REC114: variants seen among roughly 807,000 people sequenced by gnomAD.
REC114 encodes REC114 meiotic recombination protein, also known as meiotic recombination protein REC114.
A neutral mutation model predicts 31.3 loss-of-function variants in REC114; 27 were observed. That is an observed-to-expected ratio of 0.86 (90% CI 0.64 to 1.19). REC114 has a LOEUF of 1.19. Among genes scored for constraint, REC114 ranks in the 50% most tolerant of loss-of-function variants. REC114 has a pLI of 0.00. For synonymous variants in REC114, 134 were observed against 127.7 expected (o/e 1.05, Z -0.33); for missense variants, 344 against 326.9 (o/e 1.05, Z -0.40).
At chr15:73,493,938 T>A (rs1893480848) in intron 2 of REC114, among the ~76,000 whole-genome samples, 1 of 152,186 alleles carries the variant, frequency 6.6e-6, no homozygotes, top group Non-Finnish European at 1.5e-5. Flanking sequence ...TGAAACAGAT[T>A]CCAGATGAGG....
At chr15:73,512,183 CT>C (rs1893781847) in intron 2 of REC114, among the ~76,000 whole-genome samples, 1 of 128,470 alleles carries the variant, frequency 7.8e-6, no homozygotes, top group South Asian at 2.4e-4. Flanking sequence ...GAATTGATCT[CT>C]TTACCATTAT....
At chr15:73,543,609 G>A (rs113841704) in intron 3 of REC114, among the ~76,000 whole-genome samples, 3,606 of 152,188 alleles carry the variant, frequency 0.024, 46 homozygotes, top group Middle Eastern at 0.031. Flanking sequence ...GATTACAGGT[G>A]TGAGCCATCA....
intron 3 of REC114, among the ~76,000 whole-genome samples, chr15:73,545,611 T>G (rs1273610031): frequency 6.6e-6 from 1 of 152,222 alleles, no homozygotes; most frequent in African/African-American, 2.4e-5. Flanking sequence ...GAACAAGACT[T>G]CAGTTAGGCT....
At chr15:73,515,168 C>A (rs1893840491) in intron 2 of REC114, among the ~76,000 whole-genome samples, 3 of 152,226 alleles carry the variant, frequency 2.0e-5, no homozygotes, top group South Asian at 4.1e-4. Context: ...CTGCATCAAG[C>A]AACCCTCCCA....
At chr15:73,496,351 CAAAAAAAA>C (rs539098846) in intron 2 of REC114, among the ~76,000 whole-genome samples, 1 of 20,508 alleles carries the variant, frequency 4.9e-5, no homozygotes, top group African/African-American at 1.5e-4. Context: ...GACTCCTTCT[CAAAAAAAA>C]AAAAAAAAAA....
At chr15:73,515,717 A>G (rs542277341) in intron 2 of REC114, among the ~76,000 whole-genome samples, 23 of 152,318 alleles carry the variant, frequency 1.5e-4, no homozygotes, top group African/African-American at 5.3e-4. Context: ...GCAGCTGTCT[A>G]CAAGCCAGGA....
At chr15:73,556,921 A>G (rs569495195) in intron 5 of REC114, among the ~76,000 whole-genome samples, 31 of 152,008 alleles carry the variant, frequency 2.0e-4, no homozygotes, top group Admixed American at 4.6e-4. Context: ...ATTCAAAACT[A>G]TGGTTGTGTG....
intron 2 of REC114, among the ~76,000 whole-genome samples, chr15:73,497,302 T>A (rs1466172254): frequency 6.6e-6 from 1 of 152,248 alleles, no homozygotes; most frequent in Non-Finnish European, 1.5e-5. Context: ...CTGTGATTCC[T>A]TCTGCATGTA....
intron 1 of REC114, among the ~76,000 whole-genome samples, chr15:73,469,740 A>G (rs997463951): frequency 1.6e-4 from 22 of 141,076 alleles, no homozygotes; most frequent in African/African-American, 5.7e-4. Context: ...GCTGGAGTGC[A>G]GTGGCGCGAT....
intron 1 of REC114, among the ~76,000 whole-genome samples, chr15:73,462,363 G>C (rs1893000819): frequency 6.6e-6 from 1 of 151,904 alleles, no homozygotes. Context: ...GATTATGTTA[G>C]GTGTTATGAT....
At chr15:73,557,651 CAG>C (rs1172337721) in intron 5 of REC114, among the ~76,000 whole-genome samples, 1 of 152,104 alleles carries the variant, frequency 6.6e-6, no homozygotes, top group Non-Finnish European at 1.5e-5. Flanking sequence ...CTGAGGAAAA[CAG>C]AGCTGCAATA....
chr15:73,446,708 T>C (rs908732317), intron 1 of REC114, among the ~76,000 whole-genome samples: 1 of 151,536 alleles, frequency 6.6e-6, no homozygotes, highest in Non-Finnish European at 1.5e-5. Context: ...CAGCATGTAA[T>C]GTATAGTGAG....
At chr15:73,466,306 A>G (rs1053058486) in intron 1 of REC114, among the ~76,000 whole-genome samples, 2 of 151,980 alleles carry the variant, frequency 1.3e-5, no homozygotes, top group Non-Finnish European at 2.9e-5. Flanking sequence ...TGTAATCCCA[A>G]CACTTTGGGA....
rs60118056 is a variant in REC114 at position 73,551,760 on chromosome 15, A to G, written c.546+610A>G. ...AGACTATGGTAATTCAGATTTGGGTATTTGGCAGACATTTTCTCAAAAATC... is the reference window on the plus strand; with the variant it reads ...AGACTATGGTAATTCAGATTTGGGTGTTTGGCAGACATTTTCTCAAAAATC... On this transcript the variant is annotated intron_variant, in intron 4 of 5. Coordinates refer to ENST00000331090, the MANE Select transcript of REC114 (RefSeq NM_001042367.2). Among the ~76,000 whole-genome samples, 1,115 of 152,338 alleles carry G rather than the reference A, an allele frequency of 7.3e-3. 13 individuals are homozygous for G. Among genetic ancestry groups the G allele is most frequent in the African/African-American group, 0.025 (1,052 of 41,578 alleles).
chr15:73,552,533 ACT>A (rs1205990192), intron 4 of REC114, among the ~76,000 whole-genome samples: 3 of 152,210 alleles, frequency 2.0e-5, no homozygotes, highest in Admixed American at 6.5e-5. Context: ...GATAAATGTA[ACT>A]CAGATGAAAG....
intron 1 of REC114, among the ~76,000 whole-genome samples, chr15:73,471,903 A>G (rs1490589289): frequency 6.6e-6 from 1 of 152,328 alleles, no homozygotes; most frequent in East Asian, 1.9e-4. Context: ...GATTCCACTC[A>G]TATAATTAAA....
intron 2 of REC114, among the ~76,000 whole-genome samples, chr15:73,492,473 TTGTA>T (rs1214841183): frequency 6.6e-6 from 1 of 152,342 alleles, no homozygotes; most frequent in African/African-American, 2.4e-5. Flanking sequence ...TGGTGGACAC[TTGTA>T]TGTGTTTTTG....
At chr15:73,460,713 A>T (rs1892978740) in intron 1 of REC114, among the ~76,000 whole-genome samples, 1 of 152,142 alleles carries the variant, frequency 6.6e-6, no homozygotes, top group African/African-American at 2.4e-5. Flanking sequence ...TAGTCTGGGA[A>T]ATGTTTAAAG....
rs138729909 is a variant in REC114 at position 73,502,744 on chromosome 15, A to C, written c.249+28823A>C. 2.4e-3 allele frequency among the ~76,000 whole-genome samples: 366 copies of C among 152,284 alleles called. 2 individuals are homozygous for C. The highest frequency in any genetic ancestry group is 2.1e-3 in the Non-Finnish European group (141 of 68,026). On this transcript the variant is annotated intron_variant, in intron 2 of 5. Transcript: ENST00000331090. Reference sequence around the variant, plus strand: ...AAGGGTCACATGTAATTAGTTTTAGATTCCATTTAAGTAAGTTTTAGTGCT... The same window carrying C: ...AAGGGTCACATGTAATTAGTTTTAGCTTCCATTTAAGTAAGTTTTAGTGCT...
Sources: gnomAD v4.1 joint callset for allele counts (sites outside exome capture counted in the v4.1 genomes callset) on GRCh38, gnomAD v4.1.1 for gene constraint, MANE v1.5 for transcripts, NCBI Gene and HGNC (gene_info 2026-07-23, HGNC 2026-07-21) for gene names.